NUP54: variants seen among roughly 807,000 people sequenced by gnomAD.
NUP54 encodes nucleoporin 54, also known as nucleoporin p54.
In NUP54, 27 loss-of-function variants were observed where a neutral mutation model predicts 66.4. The observed-to-expected ratio is 0.41, with a 90% CI of 0.30 to 0.56. The LOEUF (loss-of-function observed/expected upper bound fraction) is 0.56. NUP54 is among the 20% of genes least tolerant of loss of function. The pLI, the probability that NUP54 is intolerant of heterozygous loss-of-function variation, is 0.34. For synonymous variants in NUP54, 206 were observed against 210.7 expected, an observed-to-expected ratio of 0.98 and a Z score of 0.19; for missense variants, 486 against 596.3, an observed-to-expected ratio of 0.82 and a Z score of 1.93.
intron 9 of NUP54, chr4:76,118,449 A>G (rs1730057677): frequency 1.0e-5 from 4 of 382,828 alleles, no homozygotes; most frequent in Non-Finnish European, 2.0e-5. Context: ...GCAGTGGCGT[A>G]AACACAGCTC....
In NUP54 at chr4:76,143,340, G is replaced by A. The variant is rs193223522; in HGVS notation, c.295+809C>T. Among the ~76,000 whole-genome samples, 1,254 of 152,194 alleles carry A rather than the reference G, an allele frequency of 8.2e-3. 12 individuals are homozygous for A. Among genetic ancestry groups the A allele is most frequent in the African/African-American group, 0.029 (1,185 of 41,536 alleles). Reference sequence around the variant, plus strand: ...AAAAAGAGAGGCCAGGCGCGGTGGCGCACACCTGTAATCCCAGCACTTTGG... The same window carrying A: ...AAAAAGAGAGGCCAGGCGCGGTGGCACACACCTGTAATCCCAGCACTTTGG... On this transcript the variant is annotated intron_variant, in intron 3 of 11. Transcript: ENST00000264883.
At chr4:76,116,011 T>G (rs759125145) in intron 11 of NUP54, among the ~76,000 whole-genome samples, 12 of 152,198 alleles carry the variant, frequency 7.9e-5, no homozygotes, top group Non-Finnish European at 1.5e-4. Flanking sequence ...TTGAGCCCCC[T>G]TTGGGGTACC....
intron 1 of NUP54, among the ~76,000 whole-genome samples, chr4:76,145,248 G>C (rs1036295127): frequency 2.0e-5 from 3 of 150,902 alleles, no homozygotes; most frequent in Admixed American, 6.6e-5. Flanking sequence ...GACCCGGGAG[G>C]TGGAGCTTGC....
intron 9 of NUP54, among the ~76,000 whole-genome samples, chr4:76,122,622 C>T (rs1274659979): frequency 6.6e-6 from 1 of 152,100 alleles, no homozygotes; most frequent in Non-Finnish European, 1.5e-5. Context: ...TAAAATGGTA[C>T]AGTTGCTTTG....
chr4:76,130,618 T>C (rs781608384), intron 8 of NUP54, 38 bp downstream of exon 8: 5 of 1,351,714 alleles, frequency 3.7e-6, no homozygotes, highest in Non-Finnish European at 5.3e-6. Flanking sequence ...TCCCTTTCCC[T>C]ACTTCCAGGG....
chr4:76,136,456 A>C, intron 3 of NUP54, 44 bp from the exon 4 acceptor site: 1 of 1,530,938 alleles, frequency 6.5e-7, no homozygotes. Flanking sequence ...AAAACAAAAC[A>C]AAACTTAATC....
chr4:76,132,809 G>C (rs1420067453), intron 5 of NUP54, 90 bp from the exon 6 acceptor site: 1 of 940,536 alleles, frequency 1.1e-6, no homozygotes, highest in African/African-American at 1.7e-5. Flanking sequence ...TTTCAGAAGG[G>C]TTTAAGTTGA....
Position 76,131,237 on chromosome 4 carries a change from A to C in NUP54, c.955T>G (p.Ser319Ala). Reference sequence around the variant, plus strand: ...AGATGAAGACATACTTACTTTTCAGAATCAGGGTTATCTACCTTGGCCTGT... The same window carrying C: ...AGATGAAGACATACTTACTTTTCAGCATCAGGGTTATCTACCTTGGCCTGT... Reference protein sequence around the residue: ...WEQAKVDNPDSEKLIPVPMVG... With the variant: ...WEQAKVDNPDAEKLIPVPMVG... Residue 319 changes from serine to alanine, a missense_variant, in exon 7 of 12, where the codon TCT (serine) becomes GCT (alanine). By Grantham distance (99) the Ser-to-Ala change is moderately conservative. Transcript: ENST00000264883. 1.9e-6 allele frequency: 3 copies of C among 1,589,636 alleles called. No homozygotes were observed. Among genetic ancestry groups the C allele is most frequent in the South Asian group, 2.3e-5 (2 of 88,422 alleles).
chr4:76,128,618 G>C (rs1730646630), intron 8 of NUP54, among the ~76,000 whole-genome samples: 1 of 152,174 alleles, frequency 6.6e-6, no homozygotes, highest in Non-Finnish European at 1.5e-5. Flanking sequence ...AAGAAAGGTA[G>C]CGTGGCTATG....
chr4:76,136,136 TTC>T (rs750858486), intron 4 of NUP54, 48 bp downstream of exon 4: 6 of 1,242,012 alleles, frequency 4.8e-6, no homozygotes, highest in Middle Eastern at 2.0e-4. Flanking sequence ...TAAATATATT[TTC>T]TGTTATACAA....
In NUP54 at chr4:76,130,356, C is replaced by T. The variant is rs771569610; in HGVS notation, c.1056+300G>A. On this transcript the variant is annotated intron_variant, in intron 8 of 11. Transcript: ENST00000264883. The stretch of plus-strand genomic sequence containing the variant: ...CAACATAAAATAATCATTACTATAA[C>T]CTTCATTTTCATAAGGCCCCATAAA... 5.2e-4 allele frequency among the ~76,000 whole-genome samples: 79 copies of T among 152,186 alleles called. 1 individual carries two copies. Among genetic ancestry groups the T allele is most frequent in the Non-Finnish European group, 9.0e-4 (61 of 67,998 alleles).
At position 76,123,588 on chromosome 4, in the gene NUP54, C is replaced by T. The variant is rs551079170; in HGVS notation, c.1164+1061G>A. The stretch of plus-strand genomic sequence containing the variant: ...AGTGCAGTGGCGTGATCTCGGCTCA[C>T]TGCAACCTCCGCCTCCCAGGTTCAA... On this transcript the variant is annotated intron_variant, in intron 9 of 11. Coordinates refer to ENST00000264883, the MANE Select transcript of NUP54 (RefSeq NM_017426.4). Among the ~76,000 whole-genome samples the T allele has an allele frequency of 8.5e-5, 13 of 152,172 alleles. No homozygotes were observed. In the East Asian group the frequency reaches 2.5e-3, roughly 29 times the overall value.
intron 1 of NUP54, chr4:76,147,850 A>T: frequency 2.9e-6 from 1 of 342,698 alleles, no homozygotes; most frequent in Non-Finnish European, 5.7e-6. Flanking sequence ...CGAGGACCAC[A>T]GGGGGCCGGG....
chr4:76,134,258 C>G lies in NUP54; in HGVS notation c.627G>C (p.Leu209Phe), dbSNP rs1227863098. ...CCAAAACTTTATGCAATGATTCTAC[C>G]AACTGTTGTTGTTGGCTTCGAATCT... ...ETEIRSQQQQLVESLHKVLGG... is the reference protein window; with the variant it reads ...ETEIRSQQQQFVESLHKVLGG... The change falls in exon 5 of 12, where the codon TTG becomes TTC. Residue 209 changes from leucine (L) to phenylalanine (F), a missense_variant. Around this residue, in one of 4 missense-constraint regions of NUP54, gnomAD observed 217 missense variants for 247.9 expected, o/e 0.88. Coordinates refer to ENST00000264883, the MANE Select transcript of NUP54 (RefSeq NM_017426.4). 6.2e-7 allele frequency: 1 copy of G among 1,613,710 alleles called. No homozygotes were observed. Among genetic ancestry groups the G allele is most frequent in the Admixed American group, 1.7e-5 (1 of 60,010 alleles).
At chr4:76,119,258 G>A (rs61369069) in intron 9 of NUP54, among the ~76,000 whole-genome samples, 20,009 of 152,062 alleles carry the variant, frequency 0.13, 1,544 homozygotes, top group East Asian at 0.34. Context: ...GACAAATAGT[G>A]CTAACTGATG....
chr4:76,141,711 GT>G (rs78579991), intron 3 of NUP54, among the ~76,000 whole-genome samples: 20,006 of 151,994 alleles, frequency 0.13, 1,534 homozygotes, highest in East Asian at 0.35. Flanking sequence ...ATCTATCTTT[GT>G]ATTTCTCTAA....
At chr4:76,119,359 T>C (rs888264509) in intron 9 of NUP54, among the ~76,000 whole-genome samples, 2 of 152,068 alleles carry the variant, frequency 1.3e-5, no homozygotes, top group African/African-American at 4.8e-5. Context: ...TATATCACTC[T>C]GTGACATGGT....
At position 76,130,699 on chromosome 4, in the gene NUP54, T is replaced by G; in HGVS notation, c.1013A>C (p.Lys338Thr). The change falls in exon 8 of 12, where the codon AAG becomes ACG. Residue 338 changes from lysine to threonine, a missense_variant. Coordinates refer to ENST00000264883, the MANE Select transcript of NUP54 (RefSeq NM_017426.4). Reference protein sequence around the residue: ...VGFKELLRRLKVQDQMTKQHQ... With the variant: ...VGFKELLRRLTVQDQMTKQHQ... Reference sequence around the variant, plus strand: ...CTGCTTAGTCATCTGATCTTGAACCTTCAGTCTTCGGAGAAGTTCCTTAAA... The same window carrying G: ...CTGCTTAGTCATCTGATCTTGAACCGTCAGTCTTCGGAGAAGTTCCTTAAA... 6.2e-7 allele frequency: 1 copy of G among 1,613,814 alleles called. No individual in the cohort carries two copies. The highest frequency in any genetic ancestry group is 8.5e-7 in the Non-Finnish European group (1 of 1,179,822).
rs886848483 is a variant in NUP54, at chr4:76,141,797, C to A, written c.295+2352G>T. Among the ~76,000 whole-genome samples, 16 of 152,180 alleles carry A rather than the reference C, an allele frequency of 1.1e-4. 1 individual carries two copies. The highest frequency in any genetic ancestry group is 9.8e-4 in the Admixed American group (15 of 15,280). On this transcript the variant is annotated intron_variant, in intron 3 of 11. Transcript: ENST00000264883. ...CAGTTTAGAATTGCTTAAAGGACAG[C>A]TCCTTAGTAAAACATATAAGGCACG...
Sources: allele counts gnomAD v4.1 joint callset (sites outside exome capture counted in the v4.1 genomes callset), GRCh38; gene constraint gnomAD v4.1.1; regional missense constraint gnomAD v4.1.1; transcripts MANE v1.5; gene names NCBI Gene and HGNC (gene_info 2026-07-23, HGNC 2026-07-21).